DAB1: variants seen among roughly 807,000 people sequenced by gnomAD.
DAB1 encodes the protein disabled homolog 1.
A neutral mutation model predicts 64.6 loss-of-function variants in DAB1; 15 were observed. The ratio of observed to expected loss-of-function variants is 0.23; its 90% confidence interval spans 0.16 to 0.36. The LOEUF (loss-of-function observed/expected upper bound fraction) is 0.36. Among genes scored for constraint, DAB1 ranks in the 10% least tolerant of loss-of-function variants. DAB1 has a pLI of 1.00. For synonymous variants in DAB1, 235 were observed against 251.9 expected (o/e 0.93, Z 0.64); for missense variants, 596 against 706.7 (o/e 0.84, Z 1.78).
In DAB1 at chr1:57,154,966, T is replaced by C. The variant is rs113966191; in HGVS notation, c.68-9537A>G. Among the ~76,000 whole-genome samples the C allele has an allele frequency of 3.3e-4, 51 of 152,336 alleles. 1 individual carries two copies. The highest frequency in any genetic ancestry group is 9.4e-4 in the African/African-American group (39 of 41,586). ...TCAGGGTGGTAGTTTGCAAATATTT[T>C]ATCTCATTCTGTGGGTTATGTCTTT... is the stretch of plus-strand genomic sequence containing the variant. On this transcript the variant is annotated intron_variant, in intron 2 of 14. Transcript: ENST00000371236.
At chr1:58,176,352 A>T (rs1052531029) in intron 4 of DAB1, among the ~76,000 whole-genome samples, 3 of 152,214 alleles carry the variant, frequency 2.0e-5, no homozygotes, top group Non-Finnish European at 2.9e-5. Flanking sequence ...AAATAGGTTT[A>T]ATCCTTTCTC....
chr1:58,124,559 T>G (rs887593307), intron 5 of DAB1, among the ~76,000 whole-genome samples: 1 of 152,204 alleles, frequency 6.6e-6, no homozygotes, highest in African/African-American at 2.4e-5. Context: ...ATATTTGTGA[T>G]GAATTATAGG....
intron 4 of DAB1, among the ~76,000 whole-genome samples, chr1:58,180,218 G>C (rs532715813): frequency 7.8e-6 from 1 of 128,874 alleles, no homozygotes; most frequent in Non-Finnish European, 1.6e-5. Flanking sequence ...TATTTTTCTA[G>C]TTTTTTTAAG....
intron 4 of DAB1, among the ~76,000 whole-genome samples, chr1:57,101,584 A>T (rs1654686861): frequency 1.3e-5 from 2 of 152,214 alleles, no homozygotes; most frequent in South Asian, 4.1e-4. Context: ...CATTGAAATA[A>T]AAAGAAAGCT....
intron 1 of DAB1, among the ~76,000 whole-genome samples, chr1:57,844,344 AC>A (rs1470368683): frequency 3.9e-5 from 6 of 152,192 alleles, no homozygotes; most frequent in Admixed American, 6.5e-5. Context: ...TGTATAGTAA[AC>A]CTATATGCAT....
At chr1:58,413,747 G>A (rs1275774112) in intron 3 of DAB1, among the ~76,000 whole-genome samples, 1 of 152,150 alleles carries the variant, frequency 6.6e-6, no homozygotes, top group Admixed American at 6.5e-5. Flanking sequence ...ATATTCTGAA[G>A]CTAAATGGAA....
intron 1 of DAB1, among the ~76,000 whole-genome samples, chr1:57,353,008 G>C (rs146068137): frequency 0.013 from 1,960 of 152,064 alleles, 26 homozygotes; most frequent in Middle Eastern, 0.068. Context: ...GCTGGCCTAA[G>C]CTGCAGGTTT....
intron 4 of DAB1, among the ~76,000 whole-genome samples, chr1:57,074,587 A>C (rs1028588985): frequency 3.9e-5 from 6 of 152,192 alleles, no homozygotes; most frequent in African/African-American, 1.4e-4. Flanking sequence ...CATTTGTGGC[A>C]GCAGAATTTT....
chr1:57,885,005 G>C (rs759101719), upstream of DAB1, among the ~76,000 whole-genome samples: 237 of 152,274 alleles, frequency 1.6e-3, 2 homozygotes, highest in Non-Finnish European at 1.3e-3. Flanking sequence ...TTGGCACCAT[G>C]CCTTCTGTAT....
intron 7 of DAB1, among the ~76,000 whole-genome samples, chr1:57,647,698 G>A (rs1646210054): frequency 6.6e-6 from 1 of 152,220 alleles, no homozygotes; most frequent in African/African-American, 2.4e-5. Context: ...ATACCCAGAT[G>A]TTATTTCCAT....
At chr1:57,740,687 A>G (rs1454897646) in intron 6 of DAB1, among the ~76,000 whole-genome samples, 2 of 152,188 alleles carry the variant, frequency 1.3e-5, no homozygotes, top group Non-Finnish European at 2.9e-5. Flanking sequence ...GTATGTAAAT[A>G]TAGAACTTAG....
chr1:57,746,597 C>T (rs1190535545), intron 6 of DAB1, among the ~76,000 whole-genome samples: 1 of 152,042 alleles, frequency 6.6e-6, no homozygotes, highest in Non-Finnish European at 1.5e-5. Flanking sequence ...TAGAAACCCC[C>T]AAATCTGCAA....
chr1:57,907,600 A>G (rs1441780805), intron 5 of DAB1, among the ~76,000 whole-genome samples: 1 of 152,114 alleles, frequency 6.6e-6, no homozygotes, highest in Non-Finnish European at 1.5e-5. Flanking sequence ...TTCTCGCCTC[A>G]TAGTAGTGAT....
chr1:58,419,708 G>C (rs1285366082), intron 3 of DAB1, among the ~76,000 whole-genome samples: 1 of 152,200 alleles, frequency 6.6e-6, no homozygotes, highest in Admixed American at 6.5e-5. Context: ...GTGGGAGAAA[G>C]GGAGAAGCCA....
intron 5 of DAB1, among the ~76,000 whole-genome samples, chr1:57,951,903 T>G (rs906756186): frequency 7.2e-5 from 11 of 152,126 alleles, no homozygotes; most frequent in African/African-American, 2.4e-5. Context: ...TAGGAAAACT[T>G]AAAAGAGTGA....
At chr1:57,143,125 A>G (rs1658773270) in intron 3 of DAB1, among the ~76,000 whole-genome samples, 1 of 152,206 alleles carries the variant, frequency 6.6e-6, no homozygotes, top group South Asian at 2.1e-4. Flanking sequence ...GCCTGCTGAA[A>G]GACAGACTGC....
chr1:58,034,058 A>C (rs1647008896), intron 5 of DAB1, among the ~76,000 whole-genome samples: 1 of 152,192 alleles, frequency 6.6e-6, no homozygotes. Context: ...CTTGCTTCTA[A>C]CAAATAGAAT....
At chr1:58,195,849 T>C (rs1352714842) in intron 4 of DAB1, among the ~76,000 whole-genome samples, 1 of 152,228 alleles carries the variant, frequency 6.6e-6, no homozygotes, top group African/African-American at 2.4e-5. Context: ...TAACAGGAAG[T>C]ATTACTGCTA....
intron 7 of DAB1, among the ~76,000 whole-genome samples, chr1:57,634,157 G>A (rs1383862291): frequency 6.6e-6 from 1 of 152,206 alleles, no homozygotes; most frequent in African/African-American, 2.4e-5. Context: ...GGTCAGCTTG[G>A]TGTGACCTTG....
Sources: gnomAD v4.1 joint callset for allele counts (sites outside exome capture counted in the v4.1 genomes callset) on GRCh38, gnomAD v4.1.1 for gene constraint, MANE v1.5 for transcripts, NCBI Gene and HGNC (gene_info 2026-07-23, HGNC 2026-07-21) for gene names.